Variants in SHPK observed in about 807,000 individuals in gnomAD.
SHPK encodes the protein carbohydrate kinase-like protein.
Under a neutral mutation model 46.3 loss-of-function variants are expected in SHPK, and 51 were observed. The observed-to-expected ratio is 1.10, with a 90% confidence interval of 0.88 to 1.39. SHPK has a LOEUF of 1.39. Among genes scored for constraint, SHPK ranks in the 40% most tolerant of loss-of-function variants. The pLI is 0.00. For synonymous variants in SHPK, 290 were observed against 273.9 expected, an observed-to-expected ratio of 1.06 and a Z score of -0.58; for missense variants, 668 against 641.3, an observed-to-expected ratio of 1.04 and a Z score of -0.45.
Position 3,610,771 on chromosome 17 carries a change from T to A in SHPK, c.1226A>T (p.Asn409Ile). The A allele has an allele frequency of 6.2e-7, 1 of 1,613,956 alleles. No homozygotes were observed. The highest frequency in any genetic ancestry group is 1.1e-5 in the South Asian group (1 of 91,070). Reference sequence around the variant, plus strand: ...CTGAATCGGAAGCATGGAGTGCAGGTTCTGAACAATGCCTCGGCACAGAGC... The same window carrying A: ...CTGAATCGGAAGCATGGAGTGCAGGATCTGAACAATGCCTCGGCACAGAGC... Reference protein sequence around the residue: ...TRALCRGIVQNLHSMLPIQQL... With the variant: ...TRALCRGIVQILHSMLPIQQL... The change falls in exon 7 of 7, where the codon AAC becomes ATC. Residue 409 changes from asparagine (N) to isoleucine (I), a missense_variant. By Grantham distance (149) the Asn-to-Ile change is moderately radical. Transcript: ENST00000225519.
At position 3,629,328 on chromosome 17, in the gene SHPK, G is replaced by A. The variant is rs374863649; in HGVS notation, c.310+877C>T. 2.0e-5 allele frequency among the ~76,000 whole-genome samples: 3 copies of A among 152,240 alleles called. No homozygotes were observed. The South Asian group carries it at 6.2e-4, about 32-fold the overall frequency. On this transcript the variant is annotated intron_variant, in intron 2 of 6. Coordinates refer to ENST00000225519, the MANE Select transcript of SHPK (RefSeq NM_013276.4). ...GTGAAGTGCTCATTGTGGTTTTACTGTCTTAGGTTCTCCTCCTCAAGGCCA... is the reference window on the plus strand; with the variant it reads ...GTGAAGTGCTCATTGTGGTTTTACTATCTTAGGTTCTCCTCCTCAAGGCCA...
chr17:3,630,261 A>G lies in SHPK; in HGVS notation c.254T>C (p.Val85Ala), dbSNP rs557044152. The G allele has an allele frequency of 6.2e-7, 1 of 1,613,812 alleles. No homozygotes were observed. Among genetic ancestry groups the G allele is most frequent in the Admixed American group, 1.7e-5 (1 of 60,018 alleles). Reference protein sequence around the residue: ...ALPRPQLRSVVGIGVSGQMHG... With the variant: ...ALPRPQLRSVAGIGVSGQMHG... ...CATCTGGCCCGACACCCCGATGCCCACGACGCTCCGGAGCTGGGGTCGGGG... is the reference window on the plus strand; with the variant it reads ...CATCTGGCCCGACACCCCGATGCCCGCGACGCTCCGGAGCTGGGGTCGGGG... The change falls in exon 2 of 7, where the codon GTG (valine) becomes GCG (alanine). Residue 85 changes from valine (V) to alanine (A), a missense_variant. By Grantham distance (64) the Val-to-Ala change is moderately conservative. Coordinates refer to ENST00000225519, the MANE Select transcript of SHPK (RefSeq NM_013276.4).
intron 4 of SHPK, among the ~76,000 whole-genome samples, chr17:3,621,998 T>G (rs555491368): frequency 6.6e-6 from 1 of 152,024 alleles, no homozygotes; most frequent in Non-Finnish European, 1.5e-5. Flanking sequence ...TTACCCAGGC[T>G]GGAGTGGAGT....
chr17:3,624,121 G>T lies in SHPK; in HGVS notation c.421C>A (p.Pro141Thr). 1.2e-6 allele frequency: 2 copies of T among 1,614,166 alleles called. No homozygotes were observed. Among genetic ancestry groups the T allele is most frequent in the Non-Finnish European group, 1.7e-6 (2 of 1,180,004 alleles). ...RCSSEFLASL[P>T]QPKSHLSVAT... Reference sequence around the variant, plus strand: ...ACACTGAGATGAGACTTCGGCTGGGGCAGAGAGGCCAGGAATTCGCTGCTA... The same window carrying T: ...ACACTGAGATGAGACTTCGGCTGGGTCAGAGAGGCCAGGAATTCGCTGCTA... The change falls in exon 3 of 7, where the codon CCC (proline) becomes ACC (threonine). Residue 141 changes from proline to threonine, a missense_variant. Pro to Thr is a conservative substitution (Grantham distance 38, BLOSUM62 -1). Transcript: ENST00000225519.
At chr17:3,627,166 C>T (rs968174042) in intron 2 of SHPK, among the ~76,000 whole-genome samples, 2 of 152,152 alleles carry the variant, frequency 1.3e-5, no homozygotes, top group East Asian at 1.9e-4. Context: ...GTTCTTTACA[C>T]GTGCTGACCT....
intron 6 of SHPK, among the ~76,000 whole-genome samples, chr17:3,613,945 C>A (rs1272607601): frequency 6.6e-6 from 1 of 152,192 alleles, no homozygotes; most frequent in Non-Finnish European, 1.5e-5. Context: ...TCTGGGGTAC[C>A]TGAAGGAAGG....
At chr17:3,621,520 TTC>T (rs2075401573) in intron 4 of SHPK, 108 bp from the exon 5 acceptor site, 4 of 940,436 alleles carry the variant, frequency 4.3e-6, no homozygotes, top group Non-Finnish European at 6.3e-6. Flanking sequence ...CCCTCCCTTC[TTC>T]CTTTCCTTTC....
intron 5 of SHPK, among the ~76,000 whole-genome samples, chr17:3,620,430 T>G (rs571237415): frequency 1.8e-4 from 27 of 151,930 alleles, no homozygotes; most frequent in African/African-American, 6.0e-4. Context: ...CTGGCTAATT[T>G]TTTCTATTTT....
rs981083490 is a variant in SHPK at position 3,610,774 on chromosome 17, T to C, written c.1223A>G (p.Gln408Arg). 6.2e-7 allele frequency: 1 copy of C among 1,614,140 alleles called. No individual in the cohort carries two copies. The highest frequency in any genetic ancestry group is 1.3e-5 in the African/African-American group (1 of 75,068). Residue 408 changes from glutamine (Q) to arginine (R), a missense_variant, in exon 7 of 7, where the codon CAG becomes CGG. Physicochemically the swap from Gln to Arg is conservative, Grantham distance 43. Transcript: ENST00000225519. ...AATCGGAAGCATGGAGTGCAGGTTC[T>C]GAACAATGCCTCGGCACAGAGCCCG... ...VTRALCRGIV[Q>R]NLHSMLPIQQ...
intron 3 of SHPK, 79 bp downstream of exon 3, chr17:3,623,969 G>C (rs1209764294): frequency 1.5e-6 from 2 of 1,371,040 alleles, no homozygotes; most frequent in South Asian, 2.7e-5. Flanking sequence ...CCAGCAGGCG[G>C]GGTGATGCTG....
Position 3,615,406 on chromosome 17 carries a change from C to G in SHPK, c.955G>C (p.Ala319Pro), listed in dbSNP as rs115591129. ...AGCACATTGCCCCCGTTGAGTGACG[C>G]GGCCACCCCCAGGTAGGTCCTGTTG... The part of the protein sequence containing the change: ...YFNRTYLGVA[A>P]SLNGGNVLAT... Residue 319 changes from alanine (A) to proline (P), a missense_variant, in exon 6 of 7, where the codon GCG becomes CCG. Ala to Pro is a conservative substitution (Grantham distance 27, BLOSUM62 -1). Transcript: ENST00000225519. The G allele has an allele frequency of 6.2e-7, 1 of 1,614,054 alleles. No individual in the cohort carries two copies. Among genetic ancestry groups the G allele is most frequent in the Non-Finnish European group, 8.5e-7 (1 of 1,180,040 alleles).
chr17:3,622,712 T>C, intron 4 of SHPK: 4 of 458,268 alleles, frequency 8.7e-6, no homozygotes, highest in Non-Finnish European at 1.1e-5. Flanking sequence ...TTTTCTTTTT[T>C]TTTTTTTTTG....
chr17:3,628,890 ACTC>A (rs561662133), intron 2 of SHPK, among the ~76,000 whole-genome samples: 183 of 150,502 alleles, frequency 1.2e-3, no homozygotes, highest in Middle Eastern at 3.4e-3. Flanking sequence ...CTCAAGCAAT[ACTC>A]CTCCTGCCTC....
chr17:3,621,195 G>T, intron 5 of SHPK, 42 bp downstream of exon 5: 1 of 1,514,360 alleles, frequency 6.6e-7, no homozygotes, highest in South Asian at 1.2e-5. Context: ...TATGAGGCAG[G>T]CGACAGTGTA....
At chr17:3,632,614 T>C (rs114408938) in intron 1 of SHPK, among the ~76,000 whole-genome samples, 68 of 152,250 alleles carry the variant, frequency 4.5e-4, no homozygotes, top group African/African-American at 1.6e-3. Flanking sequence ...GGAGTAGCTC[T>C]TGGACAGACC....
At position 3,610,266 on chromosome 17, in the gene SHPK, C is replaced by T. The variant is rs1005472393; in HGVS notation, c.*294G>A. Reference sequence around the variant, plus strand: ...GTGAACCACAGATGAGCCTGCTGACCAGCAGGCTGGGCTACTGTGCTCTCA... The same window carrying T: ...GTGAACCACAGATGAGCCTGCTGACTAGCAGGCTGGGCTACTGTGCTCTCA... On this transcript the variant is annotated 3_prime_UTR_variant, in exon 7 of 7. Coordinates refer to ENST00000225519, the MANE Select transcript of SHPK (RefSeq NM_013276.4). 1.5e-5 allele frequency: 5 copies of T among 340,854 alleles called. No individual in the cohort carries two copies. Among genetic ancestry groups the T allele is most frequent in the South Asian group, 1.0e-4 (2 of 19,258 alleles). The allele number at this position is 340,854 out of a possible 1,614,324, so 21.1% of individuals were successfully genotyped here.
Position 3,610,524 on chromosome 17 carries a change from A to C in SHPK, c.*36T>G. 6.4e-7 allele frequency: 1 copy of C among 1,557,900 alleles called. No individual in the cohort carries two copies. The highest frequency in any genetic ancestry group is 8.7e-7 in the Non-Finnish European group (1 of 1,147,130). ...GGTGTCAGGAATGTTAATCAGGTAA[A>C]ATTCACAGCAGTCGTTTGGCGAAAG... On this transcript the variant is annotated 3_prime_UTR_variant, in exon 7 of 7. Transcript: ENST00000225519.
At position 3,624,222 on chromosome 17, in the gene SHPK, C is replaced by T. The variant is rs1469699205; in HGVS notation, c.320G>A (p.Trp107Ter). The T allele has an allele frequency of 1.9e-6, 3 of 1,609,316 alleles. No homozygotes were observed. Among genetic ancestry groups the T allele is most frequent in the East Asian group, 2.2e-5 (1 of 44,780 alleles). ...VFWKTGQGCE[W>*]TEGGITPVFE... ...CACCGGGGTAATCCCTCCCTCTGTC[C>T]ATTCACAGCCTGGAACAAAAGAGAT... The change falls in exon 3 of 7, where the codon TGG becomes TAG. Residue 107 changes from tryptophan to a stop codon, truncating the protein, a stop_gained. Coordinates refer to ENST00000225519, the MANE Select transcript of SHPK (RefSeq NM_013276.4). LOFTEE classifies it high-confidence loss of function.
rs2075325916 is a variant in SHPK at position 3,609,923 on chromosome 17, A to G, written c.*637T>C. On this transcript the variant is annotated 3_prime_UTR_variant, in exon 7 of 7. Transcript: ENST00000225519. ...AGCAAGCTCTCCTGAGGCTGAGTAC[A>G]TGCAGCAAGAAGGCCGGCACACAGC... 1 of 152,646 alleles carries G rather than the reference A, an allele frequency of 6.6e-6. No homozygotes were observed. Among genetic ancestry groups the G allele is most frequent in the South Asian group, 2.1e-4 (1 of 4,834 alleles). 9.5% of individuals were successfully genotyped at this position (152,646 alleles called of 1,614,324 possible). A position where few individuals can be genotyped will look rare whatever the true frequency, so the allele number is the denominator to read the frequency against.
Sources: allele counts gnomAD v4.1 joint callset (sites outside exome capture counted in the v4.1 genomes callset), GRCh38; gene constraint gnomAD v4.1.1; transcripts MANE v1.5; gene names NCBI Gene and HGNC (gene_info 2026-07-23, HGNC 2026-07-21).